FER1L6: variants seen among roughly 807,000 people sequenced by gnomAD.
The protein encoded by FER1L6 is fer-1 like family member 6.
Under a neutral mutation model 219.2 loss-of-function variants are expected in FER1L6, and 177 were observed. The observed-to-expected ratio is 0.81, with a 90% CI of 0.71 to 0.91. The LOEUF (loss-of-function observed/expected upper bound fraction) is 0.91. Ranked by LOEUF, FER1L6 falls within the 40% of genes least tolerant of loss-of-function variation. The pLI is 0.00. For missense variants in FER1L6, 2,153 were observed against 2,259.9 expected (o/e 0.95, Z 0.96); for synonymous variants, 768 against 824.3 (o/e 0.93, Z 1.17).
At chr8:124,103,080 G>A in intron 38 of FER1L6, 66 bp from the exon 39 acceptor site, 2 of 1,393,656 alleles carry the variant, frequency 1.4e-6, no homozygotes, top group Non-Finnish European at 2.0e-6. Flanking sequence ...TGAGGATGGT[G>A]ATTGAGAAGC....
chr8:124,119,100 G>A (rs867798017), intron 40 of FER1L6, among the ~76,000 whole-genome samples, 156 bp downstream of exon 40: 3 of 152,170 alleles, frequency 2.0e-5, no homozygotes, highest in Admixed American at 1.3e-4. Flanking sequence ...GTAGCTTTTC[G>A]AAGAAAAAGC....
At position 123,963,260 on chromosome 8, in the gene FER1L6, CTT is replaced by C; in HGVS notation, c.77-16_77-15del. 1 of 1,613,356 alleles carries C rather than the reference CTT, an allele frequency of 6.2e-7. No homozygotes were observed. Among genetic ancestry groups the C allele is most frequent in the South Asian group, 1.1e-5 (1 of 90,982 alleles). ...ATGTCAATTTCACAGGATTTTCTTC[CTT>C]TGTTTGCTTCTCCAGATAGTCAAGG... On this transcript the variant is annotated splice_polypyrimidine_tract_variant and intron_variant, in intron 2 of 40. Coordinates refer to ENST00000522917, the MANE Select transcript of FER1L6 (RefSeq NM_001039112.2).
At chr8:124,054,168 T>C (rs1424252023) in intron 22 of FER1L6, among the ~76,000 whole-genome samples, 1 of 152,184 alleles carries the variant, frequency 6.6e-6, no homozygotes, top group Non-Finnish European at 1.5e-5. Context: ...ACTGGCCTTC[T>C]TTACTTTTCC....
intron 32 of FER1L6, among the ~76,000 whole-genome samples, chr8:124,080,529 G>A (rs1024109472): frequency 1.3e-5 from 2 of 152,098 alleles, no homozygotes; most frequent in South Asian, 2.1e-4. Flanking sequence ...TGTTGGCCAG[G>A]CTTGTCTCGA....
intron 39 of FER1L6, among the ~76,000 whole-genome samples, chr8:124,108,688 G>A (rs1258192241): frequency 7.9e-5 from 12 of 152,074 alleles, no homozygotes; most frequent in Admixed American, 7.9e-4. Flanking sequence ...ACCAGCCTGG[G>A]CAACACAATG....
At chr8:123,876,694 C>T (rs1173853732) in intron 1 of FER1L6, among the ~76,000 whole-genome samples, 1 of 152,190 alleles carries the variant, frequency 6.6e-6, no homozygotes, top group Non-Finnish European at 1.5e-5. Context: ...ACCTTGACCC[C>T]ATCACTCTCT....
chr8:124,079,493 T>A (rs184273105), intron 32 of FER1L6, among the ~76,000 whole-genome samples: 1 of 152,262 alleles, frequency 6.6e-6, no homozygotes, highest in African/African-American at 2.4e-5. Flanking sequence ...ACACCTGGAT[T>A]AGCGTTTGAT....
intron 1 of FER1L6, among the ~76,000 whole-genome samples, chr8:123,866,829 G>T (rs1816846688): frequency 2.0e-5 from 3 of 152,010 alleles, no homozygotes; most frequent in Admixed American, 2.0e-4. Context: ...TTATTGCCCA[G>T]GCTGATCTCC....
rs148715082 is a variant in FER1L6 at position 123,988,888 on chromosome 8, T to C, written c.1519+2712T>C. 7.2e-3 allele frequency among the ~76,000 whole-genome samples: 1,103 copies of C among 152,324 alleles called. 8 individuals are homozygous for C. Among genetic ancestry groups the C allele is most frequent in the Middle Eastern group, 0.041 (12 of 294 alleles). ...TCAGTAATAGGGATGAAAGTGGGCA[T>C]CTTTTTCTTCTTCCAGATCTTAAAG... On this transcript the variant is annotated intron_variant, in intron 12 of 40. Transcript: ENST00000522917.
At chr8:123,936,402 C>T (rs1563694271) in intron 1 of FER1L6, among the ~76,000 whole-genome samples, 1 of 149,222 alleles carries the variant, frequency 6.7e-6, no homozygotes, top group Non-Finnish European at 1.5e-5. Flanking sequence ...TTAATTAAGA[C>T]ATTGCTCTCA....
intron 35 of FER1L6, among the ~76,000 whole-genome samples, chr8:124,096,268 T>C (rs1426733793): frequency 1.3e-5 from 2 of 152,220 alleles, no homozygotes; most frequent in Non-Finnish European, 2.9e-5. Context: ...TAATGTGTCT[T>C]TAGAAAATAA....
intron 1 of FER1L6, among the ~76,000 whole-genome samples, chr8:123,917,975 A>G (rs528617511): frequency 2.0e-5 from 3 of 152,252 alleles, no homozygotes; most frequent in Admixed American, 2.0e-4. Flanking sequence ...TGAACTAATG[A>G]AGTTTGTGCT....
At chr8:124,068,916 A>G (rs1820941743) in intron 28 of FER1L6, among the ~76,000 whole-genome samples, 1 of 151,634 alleles carries the variant, frequency 6.6e-6, no homozygotes, top group African/African-American at 2.4e-5. Context: ...TTTAAAAAGA[A>G]GGGTCACAAG....
intron 1 of FER1L6, among the ~76,000 whole-genome samples, chr8:123,947,184 G>C (rs762566210): frequency 2.0e-5 from 3 of 151,892 alleles, no homozygotes; most frequent in Non-Finnish European, 4.4e-5. Flanking sequence ...TACTTGGGAG[G>C]CTGAGGCAGG....
At chr8:123,933,496 G>A (rs4870878) in intron 1 of FER1L6, among the ~76,000 whole-genome samples, 30,643 of 151,968 alleles carry the variant, frequency 0.2, 3,866 homozygotes, top group East Asian at 0.44. Flanking sequence ...TGTCTGGCAC[G>A]TAGCAAGCAG....
chr8:124,023,533 CTA>C lies in FER1L6; in HGVS notation c.2225_2226del (p.Tyr742PhefsTer59). The C allele has an allele frequency of 6.2e-7, 1 of 1,614,226 alleles. No homozygotes were observed. On this transcript the variant is annotated frameshift_variant, in exon 18 of 41. Coordinates refer to ENST00000522917, the MANE Select transcript of FER1L6 (RefSeq NM_001039112.2). LOFTEE classifies it high-confidence loss of function. ...YARIASKDLLYSPVAGQMGKH... is the reference protein window; with the variant it reads ...YARIASKDLLXSPVAGQMGKH... ...CCCGCATCGCCTCCAAAGACCTCCT[CTA>C]TTCCCCTGTCGCGGGGCAGATGGGC...
intron 18 of FER1L6, among the ~76,000 whole-genome samples, chr8:124,025,089 T>C (rs1818647601): frequency 1.3e-5 from 2 of 152,330 alleles, no homozygotes; most frequent in South Asian, 4.1e-4. Flanking sequence ...TCCTTGTAGA[T>C]TCTGGATATT....
At chr8:123,963,185 A>G (rs979722449) in intron 2 of FER1L6, 93 bp from the exon 3 acceptor site, 28 of 1,538,496 alleles carry the variant, frequency 1.8e-5, no homozygotes, top group Non-Finnish European at 2.3e-5. Flanking sequence ...TGTACCACTT[A>G]TGGTGCCTGC....
At chr8:124,017,558 G>C in intron 15 of FER1L6, 70 bp from the exon 16 acceptor site, 1 of 1,221,306 alleles carries the variant, frequency 8.2e-7, no homozygotes, top group South Asian at 1.3e-5. Flanking sequence ...AACAATATTT[G>C]CAAACCTCTG....
Sources: allele counts gnomAD v4.1 joint callset (sites outside exome capture counted in the v4.1 genomes callset), GRCh38; gene constraint gnomAD v4.1.1; transcripts MANE v1.5; gene names NCBI Gene and HGNC (gene_info 2026-07-23, HGNC 2026-07-21).